The following CPED1 variants were observed in gnomAD, a reference collection of about 807,000 sequenced individuals.
CPED1 encodes the protein cadherin like and PC-esterase domain containing 1.
Under a neutral mutation model 128.2 loss-of-function variants are expected in CPED1, and 114 were observed. The ratio of observed to expected loss-of-function variants is 0.89; its 90% CI spans 0.76 to 1.04. CPED1 has a LOEUF of 1.04. Ranked by LOEUF, CPED1 falls within the 50% of genes least tolerant of loss-of-function variation. CPED1 has a pLI of 0.00. For missense variants in CPED1, 1,211 were observed against 1,207.1 expected (o/e 1.00, Z -0.05); for synonymous variants, 462 against 426.7 (o/e 1.08, Z -1.02).
At chr7:121,007,103 C>T (rs987912301) in intron 2 of CPED1, among the ~76,000 whole-genome samples, 1 of 152,102 alleles carries the variant, frequency 6.6e-6, no homozygotes, top group Admixed American at 6.6e-5. Context: ...TTTCTTTCTG[C>T]CTCCAAGATT....
intron 16 of CPED1, 126 bp downstream of exon 16, chr7:121,142,267 C>A: frequency 1.1e-6 from 1 of 880,008 alleles, no homozygotes; most frequent in Non-Finnish European, 1.7e-6. Context: ...GGTCTCATTT[C>A]AAAAAAGTGA....
intron 7 of CPED1, among the ~76,000 whole-genome samples, chr7:121,103,316 C>T (rs962529454): frequency 6.6e-6 from 1 of 152,124 alleles, no homozygotes; most frequent in Non-Finnish European, 1.5e-5. Flanking sequence ...CTGTTATCTC[C>T]TCAGAGGGAG....
At chr7:121,103,914 G>A (rs1020826219) in intron 7 of CPED1, among the ~76,000 whole-genome samples, 1 of 152,084 alleles carries the variant, frequency 6.6e-6, no homozygotes, top group African/African-American at 2.4e-5. Flanking sequence ...ATCTGTTAAA[G>A]CTTTGGAGAG....
intron 16 of CPED1, among the ~76,000 whole-genome samples, chr7:121,202,463 T>C (rs1797420341): frequency 6.6e-6 from 1 of 152,162 alleles, no homozygotes; most frequent in Admixed American, 6.5e-5. Flanking sequence ...TGGGCATCTT[T>C]TGGAGGTAGT....
At chr7:121,294,176 G>T (rs1182199662) in intron 22 of CPED1, among the ~76,000 whole-genome samples, 1 of 152,076 alleles carries the variant, frequency 6.6e-6, no homozygotes, top group Non-Finnish European at 1.5e-5. Context: ...TTTGTAAAAT[G>T]TACAAGTAGA....
intron 17 of CPED1, among the ~76,000 whole-genome samples, chr7:121,242,927 T>A (rs1484736392): frequency 1.3e-5 from 2 of 152,140 alleles, no homozygotes; most frequent in Non-Finnish European, 2.9e-5. Context: ...TATTTTATAT[T>A]AATAACTATT....
intron 16 of CPED1, among the ~76,000 whole-genome samples, chr7:121,198,105 GA>G (rs368587702): frequency 2.6e-5 from 4 of 152,116 alleles, no homozygotes; most frequent in African/African-American, 9.7e-5. Context: ...TAAAAAGTCA[GA>G]AAATAGTGTT....
chr7:121,276,004 G>T (rs1381774436), intron 22 of CPED1, among the ~76,000 whole-genome samples: 1 of 150,988 alleles, frequency 6.6e-6, no homozygotes, highest in Non-Finnish European at 1.5e-5. Context: ...AACATAGTTA[G>T]CTGATATAGA....
chr7:121,033,469 A>G (rs1216547123), intron 3 of CPED1, among the ~76,000 whole-genome samples: 1 of 152,172 alleles, frequency 6.6e-6, no homozygotes, highest in African/African-American at 2.4e-5. Flanking sequence ...CACTTATATA[A>G]AGCTATCAAA....
intron 5 of CPED1, among the ~76,000 whole-genome samples, chr7:121,074,818 T>G (rs1794081430): frequency 6.6e-6 from 1 of 152,174 alleles, no homozygotes; most frequent in Non-Finnish European, 1.5e-5. Flanking sequence ...TGCCTTTCTT[T>G]TAGCAATCCT....
chr7:121,242,455 A>ATTAT (rs755512758), intron 17 of CPED1, among the ~76,000 whole-genome samples: 37 of 152,338 alleles, frequency 2.4e-4, no homozygotes, highest in African/African-American at 7.5e-4. Flanking sequence ...TTCTTTAAAA[A>ATTAT]TTATTATGAT....
intron 2 of CPED1, chr7:120,993,906 G>GT: frequency 7.3e-6 from 2 of 275,056 alleles, no homozygotes; most frequent in Non-Finnish European, 1.5e-5. Flanking sequence ...TGCAGGTTGA[G>GT]TTTTTTGGCT....
In CPED1 at chr7:121,243,103, T is replaced by G. The variant is rs184154873; in HGVS notation, c.2174-1099T>G. 3.3e-5 allele frequency among the ~76,000 whole-genome samples: 5 copies of G among 152,242 alleles called. 1 individual carries two copies. The highest frequency in any genetic ancestry group is 2.0e-4 in the Admixed American group (3 of 15,290). On this transcript the variant is annotated intron_variant, in intron 17 of 22. Transcript: ENST00000310396. The stretch of plus-strand genomic sequence containing the variant: ...ATCAAAGCCAGAATGGACAAAGTTT[T>G]TAAGTTTTTTCCTTTCTAACTCAAG...
chr7:121,140,824 C>G lies in CPED1; in HGVS notation c.1700-3C>G, dbSNP rs1401138961. The G allele has an allele frequency of 6.3e-7, 1 of 1,597,714 alleles. No homozygotes were observed. Among genetic ancestry groups the G allele is most frequent in the South Asian group, 1.1e-5 (1 of 87,828 alleles). Reference sequence around the variant, plus strand: ...TTTGTCATTGTTTTTGTTTTTTTAACAGATGAAAACACACCATGTCATATC... The same window carrying G: ...TTTGTCATTGTTTTTGTTTTTTTAAGAGATGAAAACACACCATGTCATATC... On this transcript the variant is annotated splice_polypyrimidine_tract_variant and splice_region_variant and intron_variant, in intron 14 of 22. Transcript: ENST00000310396.
At chr7:121,193,401 C>A (rs1797191572) in intron 16 of CPED1, among the ~76,000 whole-genome samples, 2 of 152,054 alleles carry the variant, frequency 1.3e-5, no homozygotes, top group Admixed American at 1.3e-4. Flanking sequence ...ATTTATAGTA[C>A]CCTAATACCT....
chr7:121,168,155 G>A (rs1443128862), intron 16 of CPED1, among the ~76,000 whole-genome samples: 1 of 152,194 alleles, frequency 6.6e-6, no homozygotes, highest in East Asian at 1.9e-4. Context: ...CGCTATCATA[G>A]CGGGAGGCTC....
At chr7:121,279,318 G>T (rs1792389408) in intron 22 of CPED1, among the ~76,000 whole-genome samples, 1 of 151,706 alleles carries the variant, frequency 6.6e-6, no homozygotes, top group Admixed American at 6.6e-5. Flanking sequence ...TTGGCATAAG[G>T]ATAAGGTCTA....
intron 16 of CPED1, among the ~76,000 whole-genome samples, chr7:121,145,627 A>C (rs1206671804): frequency 6.6e-6 from 1 of 152,050 alleles, no homozygotes. Context: ...GCAGGGGTAA[A>C]ATTTTCTCAC....
chr7:121,186,783 G>C (rs1797014007), intron 16 of CPED1, among the ~76,000 whole-genome samples: 1 of 152,080 alleles, frequency 6.6e-6, no homozygotes, highest in Admixed American at 6.6e-5. Flanking sequence ...TTTCAAGTTG[G>C]TTAAATTTAT....
Sources: gnomAD v4.1 joint callset for allele counts (sites outside exome capture counted in the v4.1 genomes callset) on GRCh38, gnomAD v4.1.1 for gene constraint, MANE v1.5 for transcripts, NCBI Gene and HGNC (gene_info 2026-07-23, HGNC 2026-07-21) for gene names.